GLI2: variants seen among roughly 807,000 people sequenced by gnomAD.
The protein encoded by GLI2 is transcription activator GLI2.
Under a neutral mutation model 78.9 loss-of-function variants are expected in GLI2, and 22 were observed. The ratio of observed to expected loss-of-function variants is 0.28; its 90% confidence interval spans 0.20 to 0.40. The LOEUF is 0.40. Among genes scored for constraint, GLI2 ranks in the 10% least tolerant of loss-of-function variants. The pLI is 1.00. For synonymous variants in GLI2, 974 were observed against 963.7 expected (o/e 1.01, Z -0.20); for missense variants, 2,097 against 2,213.2 (o/e 0.95, Z 1.05).
chr2:120,753,518 GTGTT>G (rs1682940916), intron 1 of GLI2, among the ~76,000 whole-genome samples: 2 of 152,104 alleles, frequency 1.3e-5, no homozygotes, highest in Non-Finnish European at 2.9e-5. Flanking sequence ...ATTTTCCTGT[GTGTT>G]TGTTAGTTGC....
intron 2 of GLI2, among the ~76,000 whole-genome samples, chr2:120,859,810 G>A (rs866911434): frequency 2.5e-4 from 37 of 149,304 alleles, no homozygotes; most frequent in African/African-American, 8.7e-4. Context: ...AGGCTGGAGC[G>A]CAATGGCACA....
In GLI2 at chr2:120,736,023, A is replaced by C. The variant is rs1346667661; in HGVS notation, c.-293A>C. On this transcript the variant is annotated 5_prime_UTR_variant, in exon 1 of 14. Transcript: ENST00000361492. ...GAGGAAGGCCAGGAGCCGCAGGAGG[A>C]GCCGGAGGAAAGAGCTTGGGCCGCG... 6.6e-6 allele frequency among the ~76,000 whole-genome samples: 1 copy of C among 151,674 alleles called. No homozygotes were observed. Among genetic ancestry groups the C allele is most frequent in the East Asian group, 2.0e-4 (1 of 5,076 alleles).
At chr2:120,964,943 G>A (rs1681767009) in intron 5 of GLI2, among the ~76,000 whole-genome samples, 1 of 152,244 alleles carries the variant, frequency 6.6e-6, no homozygotes, top group Non-Finnish European at 1.5e-5. Context: ...GTGACCTTGA[G>A]CAAGTCACTG....
chr2:120,982,610 C>T, intron 10 of GLI2, 106 bp from the exon 11 acceptor site: 2 of 879,950 alleles, frequency 2.3e-6, no homozygotes, highest in Non-Finnish European at 3.6e-6. Flanking sequence ...TCTGAGTGCG[C>T]TGACGGGTTG....
At chr2:120,873,009 A>G (rs1399058720) in intron 2 of GLI2, among the ~76,000 whole-genome samples, 1 of 152,238 alleles carries the variant, frequency 6.6e-6, no homozygotes, top group East Asian at 1.9e-4. Flanking sequence ...TTTGGAATAT[A>G]TGCTTGCAGT....
intron 9 of GLI2, among the ~76,000 whole-genome samples, 184 bp downstream of exon 9, chr2:120,975,293 A>G (rs906833301): frequency 1.3e-5 from 2 of 152,248 alleles, no homozygotes; most frequent in African/African-American, 4.8e-5. Flanking sequence ...TGTTTTTAAG[A>G]TGGCTTCCAA....
intron 1 of GLI2, among the ~76,000 whole-genome samples, chr2:120,790,209 C>G (rs756603742): frequency 2.0e-5 from 3 of 152,170 alleles, no homozygotes; most frequent in Non-Finnish European, 4.4e-5. Flanking sequence ...GGCCATGCAC[C>G]AAATCCATAG....
At chr2:120,988,116 T>C in intron 13 of GLI2, 92 bp from the exon 14 acceptor site, 1 of 1,121,552 alleles carries the variant, frequency 8.9e-7, no homozygotes, top group Non-Finnish European at 1.2e-6. Context: ...AGCCCTCTTC[T>C]CGGGCTCCAG....
chr2:120,869,406 G>C (rs1448662923), intron 2 of GLI2, among the ~76,000 whole-genome samples: 2 of 152,080 alleles, frequency 1.3e-5, no homozygotes, highest in Non-Finnish European at 2.9e-5. Context: ...TTTTCCCCTA[G>C]CTAGCCCCAT....
At chr2:120,921,626 C>T (rs1679384698) in intron 2 of GLI2, among the ~76,000 whole-genome samples, 1 of 152,194 alleles carries the variant, frequency 6.6e-6, no homozygotes, top group South Asian at 2.1e-4. Flanking sequence ...AGTCCCATGG[C>T]CACCTAGCGG....
intron 1 of GLI2, among the ~76,000 whole-genome samples, chr2:120,795,050 G>A (rs1684320868): frequency 6.6e-6 from 1 of 152,204 alleles, no homozygotes; most frequent in East Asian, 1.9e-4. Flanking sequence ...TTAAAAAGAT[G>A]TGGGAGTATT....
At chr2:120,861,206 G>A (rs1248173797) in intron 2 of GLI2, among the ~76,000 whole-genome samples, 3 of 152,202 alleles carry the variant, frequency 2.0e-5, no homozygotes, top group Non-Finnish European at 2.9e-5. Flanking sequence ...CATGAGTGAC[G>A]GAGTGCGAAT....
Position 120,982,624 on chromosome 2 carries a change from C to T in GLI2, c.1468-92C>T, listed in dbSNP as rs1682765734. The T allele has an allele frequency of 9.4e-6, 10 of 1,067,698 alleles. No individual in the cohort carries two copies. In the Admixed American group the frequency reaches 1.2e-4, roughly 13 times the overall value. The allele number at this position is 1,067,698 out of a possible 1,614,324, so 66.1% of individuals were successfully genotyped here. A position where few individuals can be genotyped will look rare whatever the true frequency, so the allele number is the denominator to read the frequency against. On this transcript the variant is annotated intron_variant, in intron 10 of 13. Transcript: ENST00000361492. The stretch of plus-strand genomic sequence containing the variant: ...TTCTGAGTGCGCTGACGGGTTGGAG[C>T]AGAGCAGAGAAGGGGGTGGGGAGGA...
Position 120,816,834 on chromosome 2 carries a change from T to C in GLI2, c.148+19366T>C, listed in dbSNP as rs565754129. ...TCTAGAGATAGAAAAGAGGAGGGTA[T>C]TTTAAAAGCCTTTTCGCCTAATTTG... On this transcript the variant is annotated intron_variant, in intron 2 of 13. Coordinates refer to ENST00000361492, the MANE Select transcript of GLI2 (RefSeq NM_001374353.1). Among the ~76,000 whole-genome samples, 13 of 152,296 alleles carry C rather than the reference T, an allele frequency of 8.5e-5. No homozygotes were observed. The South Asian group carries it at 2.7e-3, about 32-fold the overall frequency.
At chr2:120,761,411 G>T (rs1461401984) in intron 1 of GLI2, among the ~76,000 whole-genome samples, 2 of 152,134 alleles carry the variant, frequency 1.3e-5, no homozygotes, top group African/African-American at 4.8e-5. Flanking sequence ...CCAGCCCAGT[G>T]GGTGAGGCCA....
At chr2:120,775,491 C>T (rs13031035) in intron 1 of GLI2, among the ~76,000 whole-genome samples, 17,056 of 152,148 alleles carry the variant, frequency 0.11, 1,082 homozygotes, top group Middle Eastern at 0.2. Context: ...GGTGCTGAGA[C>T]GCCCTTCCTG....
intron 1 of GLI2, among the ~76,000 whole-genome samples, chr2:120,781,622 C>A (rs1265519801): frequency 2.2e-5 from 3 of 133,640 alleles, no homozygotes; most frequent in Admixed American, 1.7e-4. Context: ...GTGGCTTACG[C>A]CTGTAATCCC....
At chr2:120,760,735 CT>C (rs1221078937) in intron 1 of GLI2, among the ~76,000 whole-genome samples, 1 of 152,184 alleles carries the variant, frequency 6.6e-6, no homozygotes, top group African/African-American at 2.4e-5. Flanking sequence ...TCTTTTGGCT[CT>C]TTTTTCTCAT....
At chr2:120,878,255 A>G (rs1036917732) in intron 2 of GLI2, among the ~76,000 whole-genome samples, 2 of 152,262 alleles carry the variant, frequency 1.3e-5, no homozygotes, top group African/African-American at 4.8e-5. Context: ...AAGTCAAGAC[A>G]ATCTTTTCTC....
Sources: allele counts gnomAD v4.1 joint callset (sites outside exome capture counted in the v4.1 genomes callset), GRCh38; gene constraint gnomAD v4.1.1; transcripts MANE v1.5; gene names NCBI Gene and HGNC (gene_info 2026-07-23, HGNC 2026-07-21).